Variants in PDE5A observed in about 807,000 individuals in gnomAD.
The protein encoded by PDE5A is phosphodiesterase 5A, also known as cGMP-specific 3',5'-cyclic phosphodiesterase.
PDE5A carries 67 observed loss-of-function variants against 110.2 expected under a neutral mutation model. The ratio of observed to expected loss-of-function variants is 0.61; its 90% confidence interval spans 0.50 to 0.75. PDE5A has a LOEUF of 0.75. Among genes scored for constraint, PDE5A ranks in the 30% least tolerant of loss-of-function variants. The pLI is 0.00. For synonymous variants in PDE5A, 328 were observed against 351.2 expected (o/e 0.93, Z 0.74); for missense variants, 862 against 1,045.1 (o/e 0.82, Z 2.42).
intron 3 of PDE5A, chr4:119,569,796 T>C (rs981364122): frequency 6.6e-6 from 1 of 152,618 alleles, no homozygotes; most frequent in Admixed American, 6.5e-5. Flanking sequence ...ACAAAACTTG[T>C]GACTCCCTAA....
chr4:119,588,970 A>C (rs1345706307), intron 3 of PDE5A, among the ~76,000 whole-genome samples: 1 of 152,220 alleles, frequency 6.6e-6, no homozygotes, highest in African/African-American at 2.4e-5. Flanking sequence ...CAAGATGATA[A>C]GATAAAAAGA....
rs1277729714 is a variant in PDE5A at position 119,494,573 on chromosome 4, ACT to A, written c.*4026_*4027del. The A allele has an allele frequency of 6.6e-6, 1 of 152,330 alleles. No individual in the cohort carries two copies. 9.4% of individuals were successfully genotyped at this position (152,330 alleles called of 1,614,324 possible). A position where few individuals can be genotyped will look rare whatever the true frequency, so the allele number is the denominator to read the frequency against. On this transcript the variant is annotated 3_prime_UTR_variant, in exon 21 of 21. Transcript: ENST00000354960. ...TGTCATGAAAGAGTCATCTGAAATG[ACT>A]CTCGTGATGGAGGAAAGGAAAGTAA...
chr4:119,598,703 G>A (rs760328599), intron 2 of PDE5A, among the ~76,000 whole-genome samples: 6 of 152,178 alleles, frequency 3.9e-5, no homozygotes, highest in Admixed American at 1.3e-4. Flanking sequence ...CAACATTCTG[G>A]CTTTCTGCCT....
rs1366993880 is a variant in PDE5A, at chr4:119,607,385, C to T, written c.153-88G>A. The T allele has an allele frequency of 4.2e-6, 3 of 716,846 alleles. No homozygotes were observed. The East Asian group carries it at 7.9e-5, about 19-fold the overall frequency. The allele number at this position is 716,846 out of a possible 1,614,324, so 44.4% of individuals were successfully genotyped here. A position where few individuals can be genotyped will look rare whatever the true frequency, so the allele number is the denominator to read the frequency against. The stretch of plus-strand genomic sequence containing the variant: ...CTCCTAAACATCTTCTCATGGTAAA[C>T]TGATGAGATAATAATTTGATATGTT... On this transcript the variant is annotated intron_variant, in intron 1 of 20. Transcript: ENST00000354960.
intron 13 of PDE5A, among the ~76,000 whole-genome samples, chr4:119,520,521 C>G (rs753088592): frequency 4.3e-4 from 66 of 152,218 alleles, no homozygotes; most frequent in Non-Finnish European, 7.9e-4. Context: ...ATACAGACCC[C>G]TAACTTATCA....
rs199811295 is a variant in PDE5A, at chr4:119,511,097, T to A, written c.2038A>T (p.Ile680Phe). 6.2e-7 allele frequency: 1 copy of A among 1,610,834 alleles called. No homozygotes were observed. Among genetic ancestry groups the A allele is most frequent in the African/African-American group, 1.3e-5 (1 of 74,814 alleles). Residue 680 changes from isoleucine (I) to phenylalanine (F), a missense_variant, in exon 15 of 21, where the codon ATC (isoleucine) becomes TTC (phenylalanine). By Grantham distance (21) the Ile-to-Phe change is conservative. Coordinates refer to ENST00000354960, the MANE Select transcript of PDE5A (RefSeq NM_001083.4). ...TGGTCAAAATGATGGTGTTCCATGA[T>A]TGAATGGCAGTAAAGCTGGGCAAGT... ...HPLAQLYCHS[I>F]MEHHHFDQCL...
intron 3 of PDE5A, among the ~76,000 whole-genome samples, 156 bp from the exon 4 acceptor site, chr4:119,567,300 C>T (rs1727977257): frequency 6.6e-6 from 1 of 152,156 alleles, no homozygotes; most frequent in Non-Finnish European, 1.5e-5. Flanking sequence ...TTTGAGCAAG[C>T]TTTACATCAT....
rs185815707 is a variant in PDE5A at position 119,622,131 on chromosome 4, G to A, written c.152+6389C>T. Among the ~76,000 whole-genome samples, 1,419 of 150,940 alleles carry A rather than the reference G, an allele frequency of 9.4e-3. 24 individuals are homozygous for A. Among genetic ancestry groups the A allele is most frequent in the African/African-American group, 0.032 (1,334 of 41,048 alleles). ...GGAGCTTGTGGTGAGCCGAGATCAC[G>A]CCACTGCACTCCAGCCTGGGCGACA... On this transcript the variant is annotated intron_variant, in intron 1 of 20. Coordinates refer to ENST00000354960, the MANE Select transcript of PDE5A (RefSeq NM_001083.4).
At chr4:119,628,051 C>G (rs201624130) in intron 1 of PDE5A, 1 of 986,160 alleles carries the variant, frequency 1.0e-6, no homozygotes, top group Non-Finnish European at 1.2e-6. Context: ...GTCCCTCACC[C>G]CAGCTTCCCC....
intron 3 of PDE5A, among the ~76,000 whole-genome samples, chr4:119,587,379 A>AT (rs5861433): frequency 0.028 from 3,965 of 139,142 alleles, 81 homozygotes; most frequent in South Asian, 0.071. Context: ...ATTTTTTTGT[A>AT]TTTTTTTTTT....
At chr4:119,577,984 C>T (rs919276654) in intron 3 of PDE5A, among the ~76,000 whole-genome samples, 1 of 152,220 alleles carries the variant, frequency 6.6e-6, no homozygotes, top group Non-Finnish European at 1.5e-5. Context: ...GCAACTTCAG[C>T]AAAGTCTCAG....
At chr4:119,616,291 G>A (rs967136246) in intron 1 of PDE5A, among the ~76,000 whole-genome samples, 1 of 151,990 alleles carries the variant, frequency 6.6e-6, no homozygotes, top group Non-Finnish European at 1.5e-5. Context: ...TTTTCCATAC[G>A]GAGCAAGCAA....
At chr4:119,547,063 G>T (rs1727153432) in intron 9 of PDE5A, among the ~76,000 whole-genome samples, 1 of 141,594 alleles carries the variant, frequency 7.1e-6, no homozygotes, top group African/African-American at 2.6e-5. Flanking sequence ...TTTCAACCTT[G>T]CCTCCCTTCT....
chr4:119,563,037 T>C, intron 5 of PDE5A, 67 bp from the exon 6 acceptor site: 1 of 1,348,168 alleles, frequency 7.4e-7, no homozygotes. Flanking sequence ...CAATTATTTA[T>C]ATGGGTTATA....
chr4:119,537,474 T>C (rs1011450835), intron 11 of PDE5A, among the ~76,000 whole-genome samples: 2 of 152,112 alleles, frequency 1.3e-5, no homozygotes, highest in African/African-American at 2.4e-5. Context: ...TTATTTTGCC[T>C]TCTGTGCCAC....
At position 119,627,422 on chromosome 4, in the gene PDE5A, G is replaced by T. The variant is rs983841066; in HGVS notation, c.152+1098C>A. 1 of 439,578 alleles carries T rather than the reference G, an allele frequency of 2.3e-6. No homozygotes were observed. Among genetic ancestry groups the T allele is most frequent in the African/African-American group, 2.1e-5 (1 of 46,794 alleles). 27.2% of individuals were successfully genotyped at this position (439,578 alleles called of 1,614,324 possible). On this transcript the variant is annotated intron_variant, in intron 1 of 20. Transcript: ENST00000354960. The surrounding 1 kb of genome is among the most constrained non-coding windows in gnomAD (Gnocchi z 4.6). The stretch of plus-strand genomic sequence containing the variant: ...CGAGTGGGACCCGGGCGTCGAACCC[G>T]GGCGGGCTCCTCGACCATCACTGCC...
chr4:119,598,671 G>A (rs1389207253), intron 2 of PDE5A, among the ~76,000 whole-genome samples: 3 of 152,146 alleles, frequency 2.0e-5, no homozygotes, highest in African/African-American at 7.2e-5. Flanking sequence ...CAAAGAAAAA[G>A]ACAACATAAG....
chr4:119,556,527 G>A (rs923071084), intron 7 of PDE5A, among the ~76,000 whole-genome samples: 1 of 152,196 alleles, frequency 6.6e-6, no homozygotes, highest in African/African-American at 2.4e-5. Context: ...TTACAGGAGA[G>A]AGTAATAATA....
At chr4:119,511,874 A>G (rs537502607) in intron 14 of PDE5A, among the ~76,000 whole-genome samples, 1 of 152,270 alleles carries the variant, frequency 6.6e-6, no homozygotes, top group African/African-American at 2.4e-5. Flanking sequence ...ATAAAGCTTT[A>G]AAGCACGACA....
Sources: gnomAD v4.1 joint callset for allele counts (sites outside exome capture counted in the v4.1 genomes callset) on GRCh38, gnomAD v4.1.1 for gene constraint, Gnocchi (gnomAD v3.1) non-coding constraint, MANE v1.5 for transcripts, NCBI Gene and HGNC (gene_info 2026-07-23, HGNC 2026-07-21) for gene names.